Variants in MTMR8 observed in about 807,000 individuals in gnomAD.
MTMR8 encodes phosphatidylinositol-3,5-bisphosphate 3-phosphatase MTMR8.
MTMR8 carries 65 observed loss-of-function variants against 39.3 expected under a neutral mutation model. The observed-to-expected ratio is 1.65, with a 90% CI of 1.35 to 2.03. The LOEUF (loss-of-function observed/expected upper bound fraction) is 2.03, where lower values mean the gene tolerates loss of function less well. Among genes scored for constraint, MTMR8 ranks in the 30% most tolerant of loss-of-function variants. The pLI is 0.00. For synonymous variants in MTMR8, 245 were observed against 185.2 expected (o/e 1.32, Z -2.62); for missense variants, 777 against 538.9 (o/e 1.44, Z -4.37).
At chrX:64,289,618 CAG>C (rs1429107019) in intron 12 of MTMR8, among the ~76,000 whole-genome samples, 1 of 69,779 alleles carries the variant, frequency 1.4e-5, no homozygotes, top group Non-Finnish European at 2.3e-5. Flanking sequence ...GCCTGGGTGA[CAG>C]AGTGAGACTC....
chrX:64,301,880 G>T (rs1368935532), intron 12 of MTMR8, among the ~76,000 whole-genome samples: 1 of 111,822 alleles, frequency 8.9e-6, no homozygotes, highest in Non-Finnish European at 1.9e-5. Flanking sequence ...GGCTGCTTGG[G>T]GGTCAGGGGT....
intron 12 of MTMR8, among the ~76,000 whole-genome samples, chrX:64,326,111 T>C (rs1443831157): frequency 8.9e-6 from 1 of 111,833 alleles, no homozygotes; most frequent in Non-Finnish European, 1.9e-5. Flanking sequence ...AAAATACATC[T>C]ACTATTAATT....
intron 12 of MTMR8, among the ~76,000 whole-genome samples, chrX:64,304,681 C>T (rs1922019901): frequency 9.4e-6 from 1 of 106,433 alleles, no homozygotes; most frequent in Non-Finnish European, 1.9e-5. Context: ...CTATGAACAG[C>T]CTAAATAAGC....
chrX:64,362,471 G>GAA (rs760545171), intron 1 of MTMR8, among the ~76,000 whole-genome samples: 55 of 5,496 alleles, frequency 0.01, 12 homozygotes, highest in East Asian at 0.021. Flanking sequence ...TACTATTGCA[G>GAA]AAAAAAAAAA....
At position 64,306,452 on chromosome X, in the gene MTMR8, C is replaced by T. The variant is rs746645170; in HGVS notation, c.1481+22320G>A. On this transcript the variant is annotated intron_variant, in intron 12 of 13. Coordinates refer to ENST00000374852, the MANE Select transcript of MTMR8 (RefSeq NM_017677.4). ...GGTAGACTTCGATCACTGGACAAAG[C>T]TTCCTAGCAGCCCGAACTGCATTTA... 3.2e-3 allele frequency: 496 copies of T among 153,772 alleles called. 2 individuals carry two copies. The highest frequency in any genetic ancestry group is 4.5e-3 in the Non-Finnish European group (345 of 76,923). The allele number at this position is 153,772 out of a possible 1,213,427, so 12.7% of individuals were successfully genotyped here. A position where few individuals can be genotyped will look rare whatever the true frequency, so the allele number is the denominator to read the frequency against.
At chrX:64,392,611 G>C (rs983573047) in intron 1 of MTMR8, among the ~76,000 whole-genome samples, 2 of 110,129 alleles carry the variant, frequency 1.8e-5, no homozygotes, top group African/African-American at 6.6e-5. Context: ...TTTTGTTTTT[G>C]TTTTTTTTAA....
At chrX:64,287,267 G>A (rs1289311510) in intron 12 of MTMR8, among the ~76,000 whole-genome samples, 6 of 110,912 alleles carry the variant, frequency 5.4e-5, no homozygotes, top group African/African-American at 2.0e-4. Context: ...GGGATGTGAA[G>A]GACCTCTTCA....
rs181040285 is a variant in MTMR8, at chrX:64,356,457, G to T, written c.148-119C>A. ...ACCAGATCTGTAGGCTACATCTACA[G>T]CCTACAACCATTCTTTGTAAGACAC... On this transcript the variant is annotated intron_variant, in intron 2 of 13. Transcript: ENST00000374852. 2.8e-5 allele frequency: 17 copies of T among 597,874 alleles called. No individual in the cohort carries two copies. The Admixed American group carries it at 3.0e-4, about 11-fold the overall frequency. 49.3% of individuals were successfully genotyped at this position (597,874 alleles called of 1,213,427 possible). A position where few individuals can be genotyped will look rare whatever the true frequency, so the allele number is the denominator to read the frequency against.
At chrX:64,377,386 C>T in intron 1 of MTMR8, among the ~76,000 whole-genome samples, 1 of 112,554 alleles carries the variant, frequency 8.9e-6, no homozygotes, top group Non-Finnish European at 1.9e-5. Context: ...GAGGGCTGTA[C>T]CCTGCAGAGC....
chrX:64,350,003 C>T lies in MTMR8; in HGVS notation c.536G>A (p.Ser179Asn). The change falls in exon 5 of 14, where the codon AGT becomes AAT. Residue 179 changes from serine (S) to asparagine (N), a missense_variant. Ser to Asn is a conservative substitution (Grantham distance 46). Transcript: ENST00000374852. ...KSVTLGTVVG[S>N]SKFRSKERVP... is the part of the protein sequence containing the mutation. ...ACGTTCTTTACTTCTGAACTTTGAA[C>T]TTCCAACCACCGTTCCCAAGGTAAC... 2 of 1,196,275 alleles carry T rather than the reference C, an allele frequency of 1.7e-6. No individual in the cohort carries two copies. Among genetic ancestry groups the T allele is most frequent in the South Asian group, 1.8e-5 (1 of 54,165 alleles).
intron 12 of MTMR8, among the ~76,000 whole-genome samples, chrX:64,286,158 C>G (rs748272901): frequency 9.0e-6 from 1 of 111,722 alleles, no homozygotes; most frequent in African/African-American, 3.2e-5. Flanking sequence ...CCACTGTTCC[C>G]ACAGAAATAT....
Position 64,331,640 on chromosome X carries a change from G to A in MTMR8, c.1269C>T (p.Phe423=), listed in dbSNP as rs778079099. Residue 423 remains phenylalanine, a synonymous_variant, in exon 11 of 14, where the codon TTC becomes TTT. Coordinates refer to ENST00000374852, the MANE Select transcript of MTMR8 (RefSeq NM_017677.4). Reference sequence around the variant, plus strand: ...AAACATGGTCATGAATCTCCAGCAGGAAGTTTTCATTAAACTCAAAGGCAC... The same window carrying A: ...AAACATGGTCATGAATCTCCAGCAGAAAGTTTTCATTAAACTCAAAGGCAC... ...FPCAFEFNEN[F]LLEIHDHVFS... is the part of the protein sequence containing the mutation. 1 of 1,210,537 alleles carries A rather than the reference G, an allele frequency of 8.3e-7. No individual in the cohort carries two copies. Among genetic ancestry groups the A allele is most frequent in the Non-Finnish European group, 1.1e-6 (1 of 894,808 alleles).
intron 1 of MTMR8, among the ~76,000 whole-genome samples, chrX:64,366,053 GA>G (rs1382148125): frequency 9.0e-6 from 1 of 111,229 alleles, no homozygotes; most frequent in Non-Finnish European, 1.9e-5. Context: ...TCAACAAGAA[GA>G]ACTATCTTAA....
intron 12 of MTMR8, among the ~76,000 whole-genome samples, chrX:64,283,590 A>G (rs913142519): frequency 1.2e-4 from 14 of 112,045 alleles, no homozygotes; most frequent in African/African-American, 4.5e-4. Flanking sequence ...GGGCAGACTG[A>G]CACCTCACAC....
intron 12 of MTMR8, among the ~76,000 whole-genome samples, chrX:64,279,492 T>A (rs1403003953): frequency 1.8e-5 from 2 of 111,875 alleles, no homozygotes; most frequent in Admixed American, 9.5e-5. Flanking sequence ...ATGACACAAA[T>A]GAATGGAAAG....
chrX:64,327,385 T>C lies in MTMR8; in HGVS notation c.1481+1387A>G, dbSNP rs772648093. ...CGGGCAAAAGATCTGAATAGATACT[T>C]TTCAAAAGAAGATATACAAATGGCC... On this transcript the variant is annotated intron_variant, in intron 12 of 13. Transcript: ENST00000374852. Among the ~76,000 whole-genome samples the C allele has an allele frequency of 4.5e-4, 50 of 112,025 alleles. No individual in the cohort carries two copies. In the South Asian group the frequency reaches 0.014, roughly 32 times the overall value.
intron 12 of MTMR8, among the ~76,000 whole-genome samples, chrX:64,282,195 T>A (rs1301284101): frequency 9.0e-6 from 1 of 111,582 alleles, no homozygotes; most frequent in Non-Finnish European, 1.9e-5. Context: ...AGAAATACCA[T>A]TTGACCCAGC....
At chrX:64,333,373 T>A (rs991918290) in intron 10 of MTMR8, among the ~76,000 whole-genome samples, 6 of 111,323 alleles carry the variant, frequency 5.4e-5, no homozygotes, top group East Asian at 5.7e-4. Context: ...GAAAAAAAAA[T>A]TTCTAACTTC....
intron 12 of MTMR8, among the ~76,000 whole-genome samples, chrX:64,300,879 T>G (rs1333726042): frequency 4.5e-5 from 5 of 110,940 alleles, no homozygotes; most frequent in Non-Finnish European, 7.5e-5. Flanking sequence ...GAAAATTCTT[T>G]CCTTTAAGAA....
Sources: allele counts gnomAD v4.1 joint callset (sites outside exome capture counted in the v4.1 genomes callset), GRCh38; gene constraint gnomAD v4.1.1; transcripts MANE v1.5; gene names NCBI Gene and HGNC (gene_info 2026-07-23, HGNC 2026-07-21).